The following ASCC3 variants were observed in gnomAD, a reference collection of about 807,000 sequenced individuals.
ASCC3 encodes activating signal cointegrator 1 complex subunit 3, also known as ASC-1 complex subunit P200.
A neutral mutation model predicts 256.3 loss-of-function variants in ASCC3; 158 were observed. The observed-to-expected ratio is 0.62, with a 90% CI of 0.54 to 0.70. The LOEUF (loss-of-function observed/expected upper bound fraction) is 0.70, where lower values mean the gene tolerates loss of function less well. Among genes scored for constraint, ASCC3 ranks in the 30% least tolerant of loss-of-function variants. The pLI is 0.00. For missense variants in ASCC3, 2,259 were observed against 2,626.0 expected (o/e 0.86, Z 3.05); for synonymous variants, 948 against 883.4 (o/e 1.07, Z -1.30).
At chr6:100,681,354 T>C (rs561986289) in intron 13 of ASCC3, among the ~76,000 whole-genome samples, 1 of 152,334 alleles carries the variant, frequency 6.6e-6, no homozygotes, top group South Asian at 2.1e-4. Flanking sequence ...ACCAAGGGCA[T>C]AAATCTTGAG....
At chr6:100,850,838 C>T (rs1772630877) in intron 3 of ASCC3, among the ~76,000 whole-genome samples, 1 of 151,938 alleles carries the variant, frequency 6.6e-6, no homozygotes, top group Non-Finnish European at 1.5e-5. Context: ...ATACATTTTA[C>T]TTATAACTTG....
chr6:100,714,026 C>G (rs564879614), intron 13 of ASCC3, among the ~76,000 whole-genome samples: 1 of 152,110 alleles, frequency 6.6e-6, no homozygotes, highest in East Asian at 1.9e-4. Context: ...ACAAATAAAA[C>G]CTCACGAGGC....
chr6:100,745,198 G>A (rs551902506), intron 10 of ASCC3, among the ~76,000 whole-genome samples: 183 of 152,142 alleles, frequency 1.2e-3, no homozygotes, highest in Admixed American at 3.0e-3. Flanking sequence ...ATGTTGGTGC[G>A]CGCCTATAAT....
At chr6:100,697,717 C>T (rs2114993796) in intron 13 of ASCC3, among the ~76,000 whole-genome samples, 1 of 152,008 alleles carries the variant, frequency 6.6e-6, no homozygotes, top group South Asian at 2.1e-4. Flanking sequence ...ATATCCAATT[C>T]CCATCAATAT....
chr6:100,518,337 G>A (rs1228423070), intron 37 of ASCC3, among the ~76,000 whole-genome samples, 195 bp from the exon 38 acceptor site: 2 of 152,082 alleles, frequency 1.3e-5, no homozygotes, highest in African/African-American at 4.8e-5. Flanking sequence ...AGCATTTACT[G>A]TACATTACTT....
intron 13 of ASCC3, among the ~76,000 whole-genome samples, chr6:100,701,455 A>G (rs1778348144): frequency 6.6e-6 from 1 of 152,094 alleles, no homozygotes; most frequent in Non-Finnish European, 1.5e-5. Context: ...GTGGAAATCT[A>G]AGTGCATAAA....
At chr6:100,517,868 A>C (rs1305554610) in intron 38 of ASCC3, 123 bp downstream of exon 38, 2 of 1,094,770 alleles carry the variant, frequency 1.8e-6, no homozygotes, top group African/African-American at 1.6e-5. Flanking sequence ...TCTGGGAAAC[A>C]GGAGTATTTT....
At chr6:100,584,718 G>C (rs62422676) in intron 36 of ASCC3, among the ~76,000 whole-genome samples, 3,659 of 152,068 alleles carry the variant, frequency 0.024, 76 homozygotes, top group Non-Finnish European at 0.041. Context: ...GCAGCGGCTG[G>C]TACCGGTTTT....
At chr6:100,548,951 G>C (rs1169773099) in intron 36 of ASCC3, among the ~76,000 whole-genome samples, 1 of 151,852 alleles carries the variant, frequency 6.6e-6, no homozygotes. Flanking sequence ...GGTAGAGTAA[G>C]AGATGAACAA....
intron 29 of ASCC3, among the ~76,000 whole-genome samples, chr6:100,626,670 ATTGT>A (rs896289321): frequency 2.0e-5 from 3 of 152,036 alleles, no homozygotes; most frequent in Non-Finnish European, 4.4e-5. Context: ...TCACCCTTTT[ATTGT>A]TTATCAGAAT....
At chr6:100,670,372 T>G (rs1209006585) in intron 14 of ASCC3, among the ~76,000 whole-genome samples, 1 of 151,906 alleles carries the variant, frequency 6.6e-6, no homozygotes, top group African/African-American at 2.4e-5. Flanking sequence ...CATGGATGCT[T>G]AAGTCCCTTA....
chr6:100,860,793 C>T (rs899961309), intron 3 of ASCC3, among the ~76,000 whole-genome samples: 3 of 152,032 alleles, frequency 2.0e-5, no homozygotes, highest in African/African-American at 7.2e-5. Context: ...AAAAGCAGTA[C>T]GCACTATTCA....
intron 13 of ASCC3, among the ~76,000 whole-genome samples, chr6:100,696,850 C>T (rs563677051): frequency 9.9e-5 from 15 of 151,968 alleles, no homozygotes; most frequent in African/African-American, 3.6e-4. Flanking sequence ...AAAATAGGTT[C>T]AAAGGTCCTT....
intron 2 of ASCC3, among the ~76,000 whole-genome samples, chr6:100,866,015 G>A (rs1398241169): frequency 6.6e-6 from 1 of 151,224 alleles, no homozygotes; most frequent in Non-Finnish European, 1.5e-5. Flanking sequence ...TGTCACCCAG[G>A]CTGGAGTCCA....
intron 4 of ASCC3, among the ~76,000 whole-genome samples, chr6:100,842,548 T>C (rs1772194416): frequency 6.6e-6 from 1 of 152,206 alleles, no homozygotes; most frequent in African/African-American, 2.4e-5. Context: ...AAGCCAAACA[T>C]TGAAATGATT....
intron 36 of ASCC3, among the ~76,000 whole-genome samples, chr6:100,581,518 T>A (rs1771262649): frequency 6.6e-6 from 1 of 152,020 alleles, no homozygotes; most frequent in South Asian, 2.1e-4. Flanking sequence ...GAAAATTTTC[T>A]CCCATTTTGT....
chr6:100,815,272 A>G (rs546825300), intron 4 of ASCC3, among the ~76,000 whole-genome samples: 1 of 152,290 alleles, frequency 6.6e-6, no homozygotes, highest in South Asian at 2.1e-4. Context: ...GAGATAACAC[A>G]AACAAATGGA....
chr6:100,805,366 C>T (rs1325295717), intron 5 of ASCC3, among the ~76,000 whole-genome samples: 4 of 151,866 alleles, frequency 2.6e-5, no homozygotes, highest in Non-Finnish European at 4.4e-5. Flanking sequence ...AAAAGGGGAG[C>T]GAGAGGGAGT....
intron 37 of ASCC3, among the ~76,000 whole-genome samples, chr6:100,524,521 T>C (rs115440324): frequency 0.014 from 2,205 of 152,212 alleles, 42 homozygotes; most frequent in African/African-American, 0.051. Context: ...GGAAATAGCA[T>C]CACTGACCTA....
Sources: allele counts gnomAD v4.1 joint callset (sites outside exome capture counted in the v4.1 genomes callset), GRCh38; gene constraint gnomAD v4.1.1; transcripts MANE v1.5; gene names NCBI Gene and HGNC (gene_info 2026-07-23, HGNC 2026-07-21).